Variants in LPP observed in about 807,000 individuals in gnomAD.
LPP encodes the protein LIM domain containing preferred translocation partner in lipoma.
Under a neutral mutation model 60.4 loss-of-function variants are expected in LPP, and 38 were observed. The ratio of observed to expected loss-of-function variants is 0.63; its 90% CI spans 0.49 to 0.83. LPP has a LOEUF of 0.83. LPP is among the 40% of genes least tolerant of loss of function. LPP has a pLI of 0.00. For missense variants in LPP, 902 were observed against 783.6 expected (o/e 1.15, Z -1.80); for synonymous variants, 328 against 290.8 (o/e 1.13, Z -1.30).
chr3:188,874,588 C>A lies in LPP; in HGVS notation c.*109C>A. 8.0e-7 allele frequency: 1 copy of A among 1,253,964 alleles called. No homozygotes were observed. The highest frequency in any genetic ancestry group is 1.1e-6 in the Non-Finnish European group (1 of 914,058). 77.7% of individuals were successfully genotyped at this position (1,253,964 alleles called of 1,614,324 possible). On this transcript the variant is annotated 3_prime_UTR_variant, in exon 12 of 12. Coordinates refer to ENST00000617246, the MANE Select transcript of LPP (RefSeq NM_001375462.1). ...CGCGATAGTCTCTGTTCTTCATCTGCTATTAACCTTGCCTTAGAAACACAT... is the reference window on the plus strand; with the variant it reads ...CGCGATAGTCTCTGTTCTTCATCTGATATTAACCTTGCCTTAGAAACACAT...
chr3:188,772,541 C>CTGGAG (rs1367576833), intron 9 of LPP, among the ~76,000 whole-genome samples: 2 of 152,174 alleles, frequency 1.3e-5, no homozygotes, highest in African/African-American at 4.8e-5. Context: ...GTAGCCCAGG[C>CTGGAG]TGGAGTGCAG....
chr3:188,828,211 G>GAAGT (rs1335619387), intron 9 of LPP, among the ~76,000 whole-genome samples: 1 of 152,070 alleles, frequency 6.6e-6, no homozygotes, highest in African/African-American at 2.4e-5. Flanking sequence ...ATATTGGAAG[G>GAAGT]AAGTACATGC....
chr3:188,156,850 C>A, intron 1 of LPP, among the ~76,000 whole-genome samples: 1 of 148,726 alleles, frequency 6.7e-6, no homozygotes, highest in Non-Finnish European at 1.5e-5. Flanking sequence ...TGCTGCGCCC[C>A]ACCCCCCCAA....
intron 2 of LPP, among the ~76,000 whole-genome samples, chr3:188,339,808 C>T (rs968896678): frequency 5.9e-5 from 9 of 152,198 alleles, no homozygotes; most frequent in African/African-American, 1.2e-4. Context: ...TACAGACTTG[C>T]GTATATGGCT....
intron 7 of LPP, among the ~76,000 whole-genome samples, chr3:188,665,114 T>TTTTA (rs763621030): frequency 2.0e-5 from 3 of 152,292 alleles, no homozygotes; most frequent in Non-Finnish European, 4.4e-5. Flanking sequence ...TGGTGTATTG[T>TTTTA]TTTATGTTTT....
intron 6 of LPP, among the ~76,000 whole-genome samples, chr3:188,551,868 T>A (rs1828220864): frequency 1.3e-5 from 2 of 152,140 alleles, no homozygotes; most frequent in African/African-American, 4.8e-5. Context: ...ACAGCTTAGC[T>A]TTATCTTCAG....
At chr3:188,782,987 CTG>C (rs1250047972) in intron 9 of LPP, among the ~76,000 whole-genome samples, 5 of 152,132 alleles carry the variant, frequency 3.3e-5, no homozygotes, top group African/African-American at 1.2e-4. Flanking sequence ...GCTCTCAAAT[CTG>C]TGCCCATCCT....
At chr3:188,811,665 T>C (rs1297438056) in intron 9 of LPP, among the ~76,000 whole-genome samples, 7 of 152,008 alleles carry the variant, frequency 4.6e-5, no homozygotes, top group African/African-American at 1.7e-4. Context: ...CAAAACTGTC[T>C]TGGGGTCGAA....
intron 2 of LPP, among the ~76,000 whole-genome samples, chr3:188,259,669 A>G (rs996816938): frequency 1.6e-4 from 25 of 152,194 alleles, no homozygotes; most frequent in African/African-American, 6.0e-4. Context: ...TATTGTAGGC[A>G]TTTCCTAAAT....
chr3:188,622,261 T>C (rs1167720869), intron 7 of LPP, among the ~76,000 whole-genome samples: 6 of 152,080 alleles, frequency 3.9e-5, no homozygotes, highest in African/African-American at 1.4e-4. Context: ...CTTTCCTCTT[T>C]CTCCCCTTTT....
chr3:188,511,089 CCCCT>C (rs1048558499), intron 5 of LPP, among the ~76,000 whole-genome samples: 17 of 103,964 alleles, frequency 1.6e-4, no homozygotes, highest in East Asian at 1.4e-3. Flanking sequence ...CCTCCCTGCC[CCCCT>C]CCCTCCCTCC....
At chr3:188,353,278 A>G (rs910600932) in intron 3 of LPP, among the ~76,000 whole-genome samples, 3 of 152,166 alleles carry the variant, frequency 2.0e-5, no homozygotes, top group African/African-American at 7.2e-5. Flanking sequence ...AGATCTAAAC[A>G]CAGGATGAGC....
intron 9 of LPP, among the ~76,000 whole-genome samples, chr3:188,854,963 G>T (rs1229803673): frequency 1.3e-5 from 2 of 152,238 alleles, no homozygotes; most frequent in African/African-American, 4.8e-5. Flanking sequence ...ACTCAAACTG[G>T]TTTAATTCTG....
chr3:188,782,630 G>A (rs1056557537), intron 9 of LPP, among the ~76,000 whole-genome samples: 1 of 151,854 alleles, frequency 6.6e-6, no homozygotes, highest in Non-Finnish European at 1.5e-5. Flanking sequence ...AATAGATCAT[G>A]AATGCAGTTC....
intron 4 of LPP, among the ~76,000 whole-genome samples, chr3:188,453,050 A>T (rs1231783369): frequency 6.6e-6 from 1 of 151,586 alleles, no homozygotes; most frequent in Admixed American, 6.6e-5. Context: ...AGGTGGACCA[A>T]CCTCTCTCGG....
intron 2 of LPP, among the ~76,000 whole-genome samples, chr3:188,285,956 G>A (rs760039239): frequency 9.2e-5 from 14 of 152,186 alleles, no homozygotes; most frequent in Admixed American, 2.0e-4. Flanking sequence ...CGAACTCTTT[G>A]TATTTTTGGA....
At chr3:188,474,135 A>G (rs746418262) in intron 4 of LPP, among the ~76,000 whole-genome samples, 1 of 152,222 alleles carries the variant, frequency 6.6e-6, no homozygotes, top group Non-Finnish European at 1.5e-5. Flanking sequence ...CAAGAGTTCT[A>G]TTCAATTTAA....
At chr3:188,242,156 A>G (rs1356205846) in intron 2 of LPP, among the ~76,000 whole-genome samples, 1 of 152,316 alleles carries the variant, frequency 6.6e-6, no homozygotes, top group Non-Finnish European at 1.5e-5. Flanking sequence ...AATATATGGC[A>G]CACATAAGGA....
intron 1 of LPP, among the ~76,000 whole-genome samples, chr3:188,204,309 G>A (rs1325078133): frequency 2.0e-5 from 3 of 152,084 alleles, no homozygotes; most frequent in Non-Finnish European, 2.9e-5. Context: ...CTGGCCTGAG[G>A]GTGAGTGGAT....
Sources: allele counts gnomAD v4.1 joint callset (sites outside exome capture counted in the v4.1 genomes callset), GRCh38; gene constraint gnomAD v4.1.1; transcripts MANE v1.5; gene names NCBI Gene and HGNC (gene_info 2026-07-23, HGNC 2026-07-21).